PGAP1: variants seen among roughly 807,000 people sequenced by gnomAD.
PGAP1 encodes GPI inositol-deacylase.
A neutral mutation model predicts 127.0 loss-of-function variants in PGAP1; 76 were observed. The ratio of observed to expected loss-of-function variants is 0.60; its 90% CI spans 0.50 to 0.72. PGAP1 has a LOEUF of 0.72. PGAP1 is among the 30% of genes least tolerant of loss of function. PGAP1 has a pLI of 0.00. For synonymous variants in PGAP1, 362 were observed against 366.5 expected (o/e 0.99, Z 0.14); for missense variants, 982 against 1,071.3 (o/e 0.92, Z 1.16).
chr2:196,895,287 T>C (rs1702235663), intron 7 of PGAP1, among the ~76,000 whole-genome samples: 1 of 152,242 alleles, frequency 6.6e-6, no homozygotes, highest in Non-Finnish European at 1.5e-5. Flanking sequence ...CTTGTATTTA[T>C]TGAAATTAGT....
At chr2:196,847,767 A>G (rs1457871912) in intron 21 of PGAP1, 180 bp downstream of exon 21, 1 of 439,484 alleles carries the variant, frequency 2.3e-6, no homozygotes, top group Non-Finnish European at 4.0e-6. Context: ...TTGAAATGAT[A>G]CTATTGAAGT....
intron 13 of PGAP1, 94 bp downstream of exon 13, chr2:196,879,982 G>T: frequency 1.2e-6 from 1 of 865,588 alleles, no homozygotes; most frequent in Non-Finnish European, 1.9e-6. Context: ...TACTGTTTTA[G>T]ATAAACTGTG....
intron 20 of PGAP1, among the ~76,000 whole-genome samples, chr2:196,861,628 G>T (rs1701067849): frequency 6.6e-6 from 1 of 152,288 alleles, no homozygotes; most frequent in African/African-American, 2.4e-5. Flanking sequence ...CTGAGGTCAG[G>T]AGTTTGAGAC....
intron 20 of PGAP1, among the ~76,000 whole-genome samples, chr2:196,852,920 T>G (rs1211492297): frequency 6.6e-6 from 1 of 152,212 alleles, no homozygotes; most frequent in Non-Finnish European, 1.5e-5. Flanking sequence ...AGTGACTTTA[T>G]GAAAGAAAAT....
rs566640679 is a variant in PGAP1 at position 196,833,701 on chromosome 2, A to G, written c.*7533T>C. ...GGTAGTGGAGGTAAAATGGGAAAAC[A>G]ATGTGTTGAGTTTACTTTCAAAATT... On this transcript the variant is annotated 3_prime_UTR_variant, in exon 27 of 27. Transcript: ENST00000354764. 4.6e-5 allele frequency: 7 copies of G among 152,240 alleles called. No homozygotes were observed. The highest frequency in any genetic ancestry group is 1.7e-4 in the African/African-American group (7 of 41,580). 9.4% of individuals were successfully genotyped at this position (152,240 alleles called of 1,614,324 possible). A position where few individuals can be genotyped will look rare whatever the true frequency, so the allele number is the denominator to read the frequency against.
intron 9 of PGAP1, 102 bp from the exon 10 acceptor site, chr2:196,891,013 C>G: frequency 1.6e-6 from 1 of 624,614 alleles, no homozygotes; most frequent in East Asian, 2.7e-5. Flanking sequence ...CTAATTCTAT[C>G]ATTCTTCTTG....
At chr2:196,881,731 A>C (rs914396845) in intron 12 of PGAP1, among the ~76,000 whole-genome samples, 2 of 152,058 alleles carry the variant, frequency 1.3e-5, no homozygotes, top group Non-Finnish European at 2.9e-5. Flanking sequence ...TATCTTGTAA[A>C]TTTGTTTAAC....
In PGAP1 at chr2:196,840,546, T is replaced by C. The variant is rs1034764766; in HGVS notation, c.*688A>G. On this transcript the variant is annotated 3_prime_UTR_variant, in exon 27 of 27. Transcript: ENST00000354764. The stretch of plus-strand genomic sequence containing the variant: ...AGTCTCCTGATGTTCACCGAGAATA[T>C]ATAGTAAGATTCATATTTGAAAAAT... The C allele has an allele frequency of 2.6e-5, 4 of 152,138 alleles. No homozygotes were observed. The highest frequency in any genetic ancestry group is 9.7e-5 in the African/African-American group (4 of 41,432). 9.4% of individuals were successfully genotyped at this position (152,138 alleles called of 1,614,324 possible). A position where few individuals can be genotyped will look rare whatever the true frequency, so the allele number is the denominator to read the frequency against.
intron 10 of PGAP1, among the ~76,000 whole-genome samples, chr2:196,889,858 CA>C (rs979436427): frequency 0.028 from 1,242 of 43,990 alleles, 10 homozygotes; most frequent in African/African-American, 0.076. Context: ...GACTCCGTCT[CA>C]AAAAAAAAAA....
intron 19 of PGAP1, among the ~76,000 whole-genome samples, chr2:196,867,754 G>A (rs1427328137): frequency 2.0e-5 from 3 of 152,110 alleles, no homozygotes; most frequent in Admixed American, 2.0e-4. Flanking sequence ...GGGAAACTAT[G>A]GAAGTACAAG....
intron 12 of PGAP1, among the ~76,000 whole-genome samples, chr2:196,881,541 A>C (rs993536082): frequency 6.6e-6 from 1 of 152,034 alleles, no homozygotes; most frequent in Non-Finnish European, 1.5e-5. Flanking sequence ...TTATTTTTTG[A>C]CTTTTTAATA....
chr2:196,875,618 C>T (rs1424468824), intron 14 of PGAP1, 128 bp downstream of exon 14: 4 of 621,222 alleles, frequency 6.4e-6, no homozygotes, highest in Non-Finnish European at 1.2e-5. Context: ...ACCACTGAAC[C>T]ACATCATATA....
In PGAP1 at chr2:196,895,745, T is replaced by C. The variant is rs1459077492; in HGVS notation, c.927+1386A>G. Among the ~76,000 whole-genome samples, 4 of 152,304 alleles carry C rather than the reference T, an allele frequency of 2.6e-5. No homozygotes were observed. The East Asian group carries it at 7.7e-4, about 29-fold the overall frequency. On this transcript the variant is annotated intron_variant, in intron 7 of 26. Transcript: ENST00000354764. ...TCCCTATCCTTCTAAGACAGTACAC[T>C]ACAGGGTAAAGGTGCTTTCCTCATT... is the stretch of plus-strand genomic sequence containing the variant.
Position 196,844,035 on chromosome 2 carries a change from T to G in PGAP1, c.2378A>C (p.His793Pro). 5 of 1,597,958 alleles carry G rather than the reference T, an allele frequency of 3.1e-6. No homozygotes were observed. Among genetic ancestry groups the G allele is most frequent in the Non-Finnish European group, 4.3e-6 (5 of 1,170,130 alleles). ...ATGGTGTATTGAGGAGTCTTTATGATGATTGGATTTCTTTTCACTTCTTCT... is the reference window on the plus strand; with the variant it reads ...ATGGTGTATTGAGGAGTCTTTATGAGGATTGGATTTCTTTTCACTTCTTCT... ...HSRRSEKKSN[H>P]HKDSSIHHLR... Residue 793 changes from histidine to proline, a missense_variant, in exon 25 of 27, where the codon CAT becomes CCT. His to Pro is a moderately conservative substitution (Grantham distance 77). Coordinates refer to ENST00000354764, the MANE Select transcript of PGAP1 (RefSeq NM_024989.4).
chr2:196,855,770 T>C (rs1455839079), intron 20 of PGAP1, among the ~76,000 whole-genome samples: 2 of 152,204 alleles, frequency 1.3e-5, no homozygotes, highest in African/African-American at 2.4e-5. Flanking sequence ...TGATTTTTTT[T>C]TATAAGTCCA....
intron 10 of PGAP1, among the ~76,000 whole-genome samples, chr2:196,889,336 A>G (rs1464781846): frequency 6.6e-6 from 1 of 152,184 alleles, no homozygotes; most frequent in Non-Finnish European, 1.5e-5. Context: ...ACTAAAATAT[A>G]GTACCCATTA....
chr2:196,874,144 A>G (rs1701487863), intron 14 of PGAP1, among the ~76,000 whole-genome samples: 1 of 152,122 alleles, frequency 6.6e-6, no homozygotes, highest in Admixed American at 6.5e-5. Context: ...TAAAAATCCT[A>G]AAGTTTTGCC....
intron 14 of PGAP1, among the ~76,000 whole-genome samples, chr2:196,874,652 G>A (rs1285687419): frequency 6.6e-6 from 1 of 152,156 alleles, no homozygotes; most frequent in Non-Finnish European, 1.5e-5. Context: ...TACTCAATAT[G>A]ATATAGTAGG....
At chr2:196,873,466 C>A in intron 16 of PGAP1, 62 bp downstream of exon 16, 1 of 1,206,160 alleles carries the variant, frequency 8.3e-7, no homozygotes, top group Admixed American at 2.1e-5. Flanking sequence ...TTTGAGTTAA[C>A]ACCTATTGAG....
Sources: allele counts gnomAD v4.1 joint callset (sites outside exome capture counted in the v4.1 genomes callset), GRCh38; gene constraint gnomAD v4.1.1; transcripts MANE v1.5; gene names NCBI Gene and HGNC (gene_info 2026-07-23, HGNC 2026-07-21).